The following UNC13B variants were observed in gnomAD, a reference collection of about 807,000 sequenced individuals.
UNC13B encodes the protein unc-13 homolog B.
In UNC13B, 144 loss-of-function variants were observed where a neutral mutation model predicts 211.0. That is an observed-to-expected ratio of 0.68 (90% CI 0.60 to 0.78). The LOEUF (loss-of-function observed/expected upper bound fraction) is 0.78, where lower values mean the gene tolerates loss of function less well. Ranked by LOEUF, UNC13B falls within the 30% of genes least tolerant of loss-of-function variation. The pLI is 0.00. For missense variants in UNC13B, 1,777 were observed against 2,002.0 expected (o/e 0.89, Z 2.14); for synonymous variants, 709 against 725.8 (o/e 0.98, Z 0.37).
Position 35,325,540 on chromosome 9 carries a change from A to C in UNC13B, c.9414+11551A>C, listed in dbSNP as rs1482800412. Among the ~76,000 whole-genome samples the C allele has an allele frequency of 5.9e-5, 9 of 152,302 alleles. 1 individual carries two copies. In the South Asian group the frequency reaches 1.9e-3, roughly 32 times the overall value. ...CATTTCCCCTCAGTGGCTTGACAAC[A>C]AATTCTTGTTCCTTTGTTTTTAGTA... On this transcript the variant is annotated intron_variant, in intron 11 of 39. Coordinates refer to ENST00000635942, the MANE Select transcript of UNC13B (RefSeq NM_001371189.2).
chr9:35,203,520 G>A (rs1337793718), intron 1 of UNC13B, among the ~76,000 whole-genome samples: 1 of 152,172 alleles, frequency 6.6e-6, no homozygotes, highest in African/African-American at 2.4e-5. Flanking sequence ...TTTCTGCCAA[G>A]AGATCTGCTG....
At chr9:35,212,005 G>A (rs1027934135) in intron 1 of UNC13B, among the ~76,000 whole-genome samples, 29 of 152,110 alleles carry the variant, frequency 1.9e-4, no homozygotes, top group Non-Finnish European at 2.8e-4. Context: ...GCACCCACCC[G>A]GTAATGTACT....
At chr9:35,366,877 T>C in intron 11 of UNC13B, 70 bp from the exon 12 acceptor site, 2 of 1,342,072 alleles carry the variant, frequency 1.5e-6, no homozygotes. Context: ...ACTCTACTGC[T>C]CGCTGCTCAG....
chr9:35,215,657 A>G (rs1385050291), intron 1 of UNC13B, among the ~76,000 whole-genome samples: 3 of 152,230 alleles, frequency 2.0e-5, no homozygotes, highest in South Asian at 2.1e-4. Context: ...GGAATGTGAT[A>G]AACTAGTTTT....
chr9:35,273,891 G>A (rs867336548), intron 7 of UNC13B, among the ~76,000 whole-genome samples: 3 of 152,160 alleles, frequency 2.0e-5, no homozygotes, highest in East Asian at 1.9e-4. Flanking sequence ...TTGTCCACTC[G>A]TTTTTGGTCC....
Position 35,378,425 on chromosome 9 carries a change from G to T in UNC13B, c.10194G>T (p.Glu3398Asp). Residue 3398 changes from glutamate to aspartate, a missense_variant, in exon 17 of 40, where the codon GAG becomes GAT. Physicochemically the swap from Glu to Asp is conservative, Grantham distance 45. Coordinates refer to ENST00000635942, the MANE Select transcript of UNC13B (RefSeq NM_001371189.2). ...IFGNLNPVWE[E>D]KFHFECHNSS... ...GAAACTTGAATCCTGTTTGGGAGGA[G>T]AAGTTCCATTTGTAAGTCACAGAGA... 1 of 1,614,184 alleles carries T rather than the reference G, an allele frequency of 6.2e-7. No homozygotes were observed. Among genetic ancestry groups the T allele is most frequent in the Non-Finnish European group, 8.5e-7 (1 of 1,180,018 alleles).
intron 26 of UNC13B, among the ~76,000 whole-genome samples, chr9:35,395,497 C>A (rs1365477365): frequency 1.3e-5 from 2 of 152,204 alleles, no homozygotes; most frequent in Non-Finnish European, 2.9e-5. Context: ...AGGAGCATCA[C>A]CCATGGCAAC....
At chr9:35,336,401 G>A (rs1280797852) in intron 11 of UNC13B, among the ~76,000 whole-genome samples, 1 of 152,130 alleles carries the variant, frequency 6.6e-6, no homozygotes, top group Non-Finnish European at 1.5e-5. Context: ...TCCCCCGTTA[G>A]GTTATGAACT....
chr9:35,164,876 C>T (rs1441074228), intron 1 of UNC13B, among the ~76,000 whole-genome samples: 2 of 152,190 alleles, frequency 1.3e-5, no homozygotes, highest in African/African-American at 4.8e-5. Flanking sequence ...CTGAACAGTG[C>T]CACTAGTTTG....
At chr9:35,334,010 G>C (rs1831513805) in intron 11 of UNC13B, among the ~76,000 whole-genome samples, 1 of 151,386 alleles carries the variant, frequency 6.6e-6, no homozygotes. Context: ...TTGTCACCCA[G>C]GCTGGAGTGC....
At chr9:35,364,710 A>G in intron 11 of UNC13B, 2 of 999,320 alleles carry the variant, frequency 2.0e-6, no homozygotes, top group Non-Finnish European at 2.8e-6. Flanking sequence ...GCTTTGGCTC[A>G]TGCAGTCTAT....
chr9:35,296,538 G>GC (rs1829367838), intron 8 of UNC13B, among the ~76,000 whole-genome samples: 1 of 151,842 alleles, frequency 6.6e-6, no homozygotes, highest in African/African-American at 2.4e-5. Flanking sequence ...TCCTTCCATA[G>GC]ACTGTTGTCA....
intron 26 of UNC13B, among the ~76,000 whole-genome samples, chr9:35,395,952 C>T (rs1442283070): frequency 1.3e-5 from 2 of 152,232 alleles, no homozygotes; most frequent in South Asian, 2.1e-4. Flanking sequence ...TACACCATGG[C>T]TGCCCAACTG....
At chr9:35,266,063 A>G (rs954435184) in intron 7 of UNC13B, among the ~76,000 whole-genome samples, 1 of 152,098 alleles carries the variant, frequency 6.6e-6, no homozygotes, top group Non-Finnish European at 1.5e-5. Context: ...TTGGTCTCCA[A>G]AAGTGCTGGG....
rs77118641 is a variant in UNC13B at position 35,382,386 on chromosome 9, T to A, written c.10685T>A (p.Met3562Lys). 1.2e-6 allele frequency: 2 copies of A among 1,613,814 alleles called. No individual in the cohort carries two copies. The highest frequency in any genetic ancestry group is 2.7e-5 in the African/African-American group (2 of 74,890). Residue 3562 changes from methionine to lysine, a missense_variant, in exon 21 of 40, where the codon ATG becomes AAG. Transcript: ENST00000635942. ...TTTGCATGTTTATCATCCAAGTACA[T>A]GTGTCCTGGTGTGCCAGCAGTGATG... Reference protein sequence around the residue: ...THFACLSSKYMCPGVPAVMST... With the variant: ...THFACLSSKYKCPGVPAVMST...
chr9:35,399,690 G>A lies in UNC13B; in HGVS notation c.12297G>A (p.Lys4099=). The A allele has an allele frequency of 5.0e-6, 8 of 1,614,104 alleles. No homozygotes were observed. The highest frequency in any genetic ancestry group is 5.9e-6 in the Non-Finnish European group (7 of 1,180,018). The change falls in exon 36 of 40, where the codon AAG becomes AAA. Residue 4099 remains lysine, a synonymous_variant. Coordinates refer to ENST00000635942, the MANE Select transcript of UNC13B (RefSeq NM_001371189.2). ...VREETRNLTP[K]QCAVLDLALD... is the part of the protein sequence containing the mutation. Reference sequence around the variant, plus strand: ...AGGAAACACGGAATCTCACTCCAAAGCAGTGTGCAGTCCTTGACCTCGCCC... The same window carrying A: ...AGGAAACACGGAATCTCACTCCAAAACAGTGTGCAGTCCTTGACCTCGCCC...
chr9:35,251,415 C>T (rs1286568122), intron 6 of UNC13B, among the ~76,000 whole-genome samples: 2 of 152,018 alleles, frequency 1.3e-5, no homozygotes, highest in African/African-American at 2.4e-5. Context: ...GGTGAAAACC[C>T]GTCTCTACTA....
chr9:35,199,689 T>C (rs1234263672), intron 1 of UNC13B, among the ~76,000 whole-genome samples: 1 of 152,208 alleles, frequency 6.6e-6, no homozygotes, highest in Non-Finnish European at 1.5e-5. Context: ...ATGGGGTTGT[T>C]TGATTTTTTC....
Position 35,385,738 on chromosome 9 carries a change from T to C in UNC13B, c.10890T>C (p.Ala3630=). The change falls in exon 23 of 40, where the codon GCT becomes GCC. Residue 3630 remains alanine (A), a synonymous_variant. Transcript: ENST00000635942. ...ATTTGCAACAGAATAATTTCCCTGC[T>C]GGGAGTCCTGAACGGCTTCAGGACT... is the stretch of plus-strand genomic sequence containing the variant. The part of the protein sequence containing the change: ...DLSTYRNNFP[A]GSPERLQDLK... The C allele has an allele frequency of 1.2e-6, 2 of 1,603,976 alleles. No individual in the cohort carries two copies. The highest frequency in any genetic ancestry group is 2.2e-5 in the East Asian group (1 of 44,602).
Sources: gnomAD v4.1 joint callset for allele counts (sites outside exome capture counted in the v4.1 genomes callset) on GRCh38, gnomAD v4.1.1 for gene constraint, MANE v1.5 for transcripts, NCBI Gene and HGNC (gene_info 2026-07-23, HGNC 2026-07-21) for gene names.